The following CELF2 variants were observed in gnomAD, a reference collection of about 807,000 sequenced individuals.
CELF2 encodes CUG triplet repeat RNA-binding protein 2.
Under a neutral mutation model 62.6 loss-of-function variants are expected in CELF2, and 8 were observed. That is an observed-to-expected ratio of 0.13 (90% CI 0.07 to 0.23). The LOEUF (loss-of-function observed/expected upper bound fraction) is 0.23, where lower values mean the gene tolerates loss of function less well. Among genes scored for constraint, CELF2 ranks in the 10% least tolerant of loss-of-function variants. The probability of loss-of-function intolerance (pLI) is 1.00; values close to 1 mark genes in which losing one functional copy is unlikely to be tolerated. For synonymous variants in CELF2, 258 were observed against 250.0 expected (o/e 1.03, Z -0.30); for missense variants, 333 against 671.0 (o/e 0.50, Z 5.56).
At chr10:10,691,317 C>T in the CELF2 span, among the ~76,000 whole-genome samples, 188 of 150,928 alleles carry the variant, frequency 1.2e-3, no homozygotes, top group Middle Eastern at 3.4e-3. Context: ...TCATCCATGT[C>T]CCTACAAAGG....
chr10:10,797,205 C>G (rs1031042453), upstream of CELF2, among the ~76,000 whole-genome samples: 2 of 152,160 alleles, frequency 1.3e-5, no homozygotes, highest in African/African-American at 4.8e-5. Context: ...TTAGAAGGCT[C>G]TGCTTGAAGG....
chr10:11,151,631 C>T (rs2063351304), intron 1 of CELF2, among the ~76,000 whole-genome samples: 1 of 151,974 alleles, frequency 6.6e-6, no homozygotes, highest in Non-Finnish European at 1.5e-5. Flanking sequence ...CAGAGAGCCA[C>T]CTGGCCACAG....
At chr10:10,624,338 C>A in the CELF2 span, among the ~76,000 whole-genome samples, 1 of 152,110 alleles carries the variant, frequency 6.6e-6, no homozygotes, top group East Asian at 1.9e-4. Flanking sequence ...TGTCTTTGTT[C>A]CAGAACACGT....
chr10:10,659,106 G>A, the CELF2 span, among the ~76,000 whole-genome samples: 1 of 152,142 alleles, frequency 6.6e-6, no homozygotes, highest in African/African-American at 2.4e-5. Flanking sequence ...TTGTAGAAAT[G>A]CTGTTCAAAT....
chr10:11,320,020 T>A (rs2095338860), intron 10 of CELF2: 1 of 355,932 alleles, frequency 2.8e-6, no homozygotes, highest in African/African-American at 2.1e-5. Context: ...TGTTTTCATA[T>A]CTCCAATCAA....
At chr10:10,726,368 G>A in the CELF2 span, among the ~76,000 whole-genome samples, 1 of 152,178 alleles carries the variant, frequency 6.6e-6, no homozygotes, top group East Asian at 1.9e-4. Context: ...TGGCTAGACA[G>A]AGCAGCCGTT....
chr10:10,599,801 G>T, the CELF2 span, among the ~76,000 whole-genome samples: 2 of 144,236 alleles, frequency 1.4e-5, no homozygotes, highest in Admixed American at 7.3e-5. Flanking sequence ...GCACGATCTC[G>T]GCTCACTGCA....
chr10:11,003,844 T>TA (rs371862382), upstream of CELF2, among the ~76,000 whole-genome samples: 581 of 149,958 alleles, frequency 3.9e-3, 2 homozygotes, highest in African/African-American at 0.011. This position sits in a 1 kb window ranked among gnomAD's most constrained non-coding sequence, Gnocchi z 4.4. Context: ...CAAGAATATG[T>TA]AAAAAAAAAA....
chr10:10,477,022 T>A, the CELF2 span, among the ~76,000 whole-genome samples: 2 of 152,232 alleles, frequency 1.3e-5, no homozygotes, highest in Non-Finnish European at 1.5e-5. Flanking sequence ...GTAGGTAACT[T>A]AAAGATATTA....
chr10:11,023,726 T>C (rs573733430), intron 1 of CELF2, among the ~76,000 whole-genome samples: 12 of 152,330 alleles, frequency 7.9e-5, no homozygotes, highest in African/African-American at 2.6e-4. Flanking sequence ...TTTATAGAAA[T>C]ACAATTCCAG....
intron 1 of CELF2, among the ~76,000 whole-genome samples, chr10:11,152,132 G>C (rs2063456391): frequency 6.6e-6 from 1 of 152,228 alleles, no homozygotes; most frequent in Non-Finnish European, 1.5e-5. Context: ...TTGGGTAGGA[G>C]TAAGTGGATG....
rs184600529 is a variant in CELF2 at position 10,919,309 on chromosome 10, G to A, written c.54-655G>A. Among the ~76,000 whole-genome samples, 875 of 152,030 alleles carry A rather than the reference G, an allele frequency of 5.8e-3. 5 individuals are homozygous for A. Among genetic ancestry groups the A allele is most frequent in the Non-Finnish European group, 7.3e-3 (493 of 67,974 alleles). ...AGAAAGAAAACGAAAGACAAGAGAC[G>A]GCAATTGGGACAAAGTTAGTTTTGA... On this transcript the variant is annotated intron_variant, in intron 1 of 13. Transcript: ENST00000636488.
chr10:10,546,788 C>CT, the CELF2 span, among the ~76,000 whole-genome samples: 1 of 146,680 alleles, frequency 6.8e-6, no homozygotes, highest in African/African-American at 2.5e-5. Context: ...TTTTTTTTTT[C>CT]TTTTTTTCCT....
intron 1 of CELF2, among the ~76,000 whole-genome samples, chr10:10,903,021 G>C (rs1413114626): frequency 6.6e-6 from 1 of 152,014 alleles, no homozygotes; most frequent in East Asian, 1.9e-4. Flanking sequence ...AAAGGAGAGA[G>C]CTTGAAAGAA....
the CELF2 span, among the ~76,000 whole-genome samples, chr10:10,788,315 G>A: frequency 6.6e-6 from 1 of 151,812 alleles, no homozygotes; most frequent in Non-Finnish European, 1.5e-5. Context: ...AGAATAATAT[G>A]AGAATGGTCC....
At chr10:10,719,456 G>C in the CELF2 span, among the ~76,000 whole-genome samples, 1 of 151,928 alleles carries the variant, frequency 6.6e-6, no homozygotes, top group African/African-American at 2.4e-5. Context: ...CGTAGAGATG[G>C]GGTCTTGGTA....
intron 1 of CELF2, among the ~76,000 whole-genome samples, chr10:11,072,267 C>A (rs889662563): frequency 6.6e-6 from 1 of 152,218 alleles, no homozygotes; most frequent in Non-Finnish European, 1.5e-5. Flanking sequence ...TTCTCCTCCT[C>A]TCTCTAATGT....
chr10:11,005,074 G>T (rs1432087733), upstream of CELF2: 1 of 985,204 alleles, frequency 1.0e-6, no homozygotes, highest in Non-Finnish European at 1.2e-6. The surrounding 1 kb of genome is among the most constrained non-coding windows in gnomAD (Gnocchi z 4.3). Context: ...AGTAATACCA[G>T]CCAGGCTTGA....
chr10:11,206,174 G>T (rs912669615), intron 2 of CELF2, among the ~76,000 whole-genome samples: 5 of 152,184 alleles, frequency 3.3e-5, no homozygotes, highest in Non-Finnish European at 7.3e-5. Flanking sequence ...ACAATAAGGG[G>T]CCTGCATTCT....
Sources: gnomAD v4.1 joint callset for allele counts (sites outside exome capture counted in the v4.1 genomes callset) on GRCh38, gnomAD v4.1.1 for gene constraint, Gnocchi (gnomAD v3.1) non-coding constraint, MANE v1.5 for transcripts, NCBI Gene and HGNC (gene_info 2026-07-23, HGNC 2026-07-21) for gene names.